Variants in SPATA4 observed in about 807,000 individuals in gnomAD.
SPATA4 encodes spermatogenesis associated 4.
In SPATA4, 35 loss-of-function variants were observed where a neutral mutation model predicts 31.8. That is an observed-to-expected ratio of 1.10 (90% CI 0.84 to 1.46). The LOEUF is 1.46. SPATA4 is among the 40% of genes most tolerant of loss of function. SPATA4 has a pLI of 0.00. For missense variants in SPATA4, 394 were observed against 363.1 expected (o/e 1.09, Z -0.69); for synonymous variants, 126 against 132.4 (o/e 0.95, Z 0.33).
chr4:176,191,625 A>G (rs1377549418), intron 4 of SPATA4, among the ~76,000 whole-genome samples: 1 of 152,214 alleles, frequency 6.6e-6, no homozygotes, highest in Non-Finnish European at 1.5e-5. Context: ...TCACAGCAAA[A>G]TTTTAATGTT....
Position 176,188,160 on chromosome 4 carries a change from T to C in SPATA4, c.764A>G (p.Tyr255Cys). 1 of 1,613,778 alleles carries C rather than the reference T, an allele frequency of 6.2e-7. No homozygotes were observed. Among genetic ancestry groups the C allele is most frequent in the Non-Finnish European group, 8.5e-7 (1 of 1,179,894 alleles). Reference protein sequence around the residue: ...HLPAQASGRRYNLKVKRGRVV... With the variant: ...HLPAQASGRRCNLKVKRGRVV... ...TCTTCCTCTTTTAACTTTTAAATTA[T>C]ATCTGCGCCCAGAGGCTTGGGCAGG... The change falls in exon 5 of 6, where the codon TAT becomes TGT. Residue 255 changes from tyrosine (Y) to cysteine (C), a missense_variant. By Grantham distance (194) the Tyr-to-Cys change is radical. Coordinates refer to ENST00000280191, the MANE Select transcript of SPATA4 (RefSeq NM_144644.4).
Position 176,195,505 on chromosome 4 carries a change from T to C in SPATA4, c.58A>G (p.Lys20Glu). The C allele has an allele frequency of 1.2e-6, 2 of 1,614,262 alleles. No homozygotes were observed. The highest frequency in any genetic ancestry group is 1.6e-4 in the Middle Eastern group (1 of 6,062). The change falls in exon 1 of 6, where the codon AAG becomes GAG. Residue 20 changes from lysine (K) to glutamate (E), a missense_variant. Physicochemically the swap from Lys to Glu is moderately conservative, Grantham distance 56. Coordinates refer to ENST00000280191, the MANE Select transcript of SPATA4 (RefSeq NM_144644.4). The part of the protein sequence containing the change: ...YLTQTAAALD[K>E]SPSLSPQLAA... Reference sequence around the variant, plus strand: ...AGCTGTGGCGAAAGTGACGGTGACTTGTCTAGGGCTGCCGCAGTCTGTGTC... The same window carrying C: ...AGCTGTGGCGAAAGTGACGGTGACTCGTCTAGGGCTGCCGCAGTCTGTGTC...
intron 5 of SPATA4, among the ~76,000 whole-genome samples, chr4:176,186,579 C>T (rs1294906204): frequency 6.6e-6 from 1 of 152,132 alleles, no homozygotes; most frequent in Non-Finnish European, 1.5e-5. Context: ...TATCCACTTC[C>T]GTTGGATTCT....
Position 176,188,245 on chromosome 4 carries a change from A to G in SPATA4, c.689-10T>C, listed in dbSNP as rs367785209. ...TTCACATCAAACCATTCTATAAAATATGAACACAAAAGTTATTTCTTAAAA... is the reference window on the plus strand; with the variant it reads ...TTCACATCAAACCATTCTATAAAATGTGAACACAAAAGTTATTTCTTAAAA... On this transcript the variant is annotated splice_polypyrimidine_tract_variant and intron_variant, in intron 4 of 5. Transcript: ENST00000280191. 1.1e-5 allele frequency: 17 copies of G among 1,552,792 alleles called. No homozygotes were observed. The highest frequency in any genetic ancestry group is 1.3e-5 in the Non-Finnish European group (15 of 1,141,918).
intron 1 of SPATA4, chr4:176,194,471 G>A (rs1208411989): frequency 1.3e-5 from 2 of 152,154 alleles, no homozygotes; most frequent in African/African-American, 2.4e-5. Context: ...AGAGGGTTCT[G>A]TAGTATCCAC....
In SPATA4 at chr4:176,195,486, G is replaced by A. The variant is rs1280671291; in HGVS notation, c.77C>T (p.Pro26Leu). ...CCCTCGGATGGGAGCTGCTAGCTGTGGCGAAAGTGACGGTGACTTGTCTAG... is the reference window on the plus strand; with the variant it reads ...CCCTCGGATGGGAGCTGCTAGCTGTAGCGAAAGTGACGGTGACTTGTCTAG... ...AALDKSPSLS[P>L]QLAAPIRGRP... Residue 26 changes from proline to leucine, a missense_variant, in exon 1 of 6, where the codon CCA (proline) becomes CTA (leucine). By Grantham distance (98) the Pro-to-Leu change is moderately conservative. Coordinates refer to ENST00000280191, the MANE Select transcript of SPATA4 (RefSeq NM_144644.4). The A allele has an allele frequency of 1.2e-6, 2 of 1,614,270 alleles. No homozygotes were observed. The highest frequency in any genetic ancestry group is 1.7e-5 in the Admixed American group (1 of 60,034).
chr4:176,192,659 A>G lies in SPATA4; in HGVS notation c.656T>C (p.Leu219Ser), dbSNP rs1384725668. 3 of 1,614,080 alleles carry G rather than the reference A, an allele frequency of 1.9e-6. No individual in the cohort carries two copies. Among genetic ancestry groups the G allele is most frequent in the Non-Finnish European group, 2.5e-6 (3 of 1,179,984 alleles). The change falls in exon 4 of 6, where the codon TTG becomes TCG. Residue 219 changes from leucine (L) to serine (S), a missense_variant. By Grantham distance (145) the Leu-to-Ser change is moderately radical. Coordinates refer to ENST00000280191, the MANE Select transcript of SPATA4 (RefSeq NM_144644.4). ...CAATTTTCTGCCTAATTTTCTTTGCAACATATGTAAAAGGATGAGGAACTC... is the reference window on the plus strand; with the variant it reads ...CAATTTTCTGCCTAATTTTCTTTGCGACATATGTAAAAGGATGAGGAACTC... ...KAEFLILLHM[L>S]QRKLGRKLNP... is the part of the protein sequence containing the mutation.
At chr4:176,189,643 G>A (rs1366722634) in intron 4 of SPATA4, among the ~76,000 whole-genome samples, 1 of 152,146 alleles carries the variant, frequency 6.6e-6, no homozygotes, top group East Asian at 1.9e-4. Flanking sequence ...ATGCTGAAGT[G>A]ACACACATGT....
At chr4:176,194,612 C>T (rs1352081931) in intron 1 of SPATA4, 1 of 151,948 alleles carries the variant, frequency 6.6e-6, no homozygotes. Flanking sequence ...CAAATATTAG[C>T]TGCCAGTTAC....
chr4:176,189,650 A>T (rs1752497912), intron 4 of SPATA4, among the ~76,000 whole-genome samples: 1 of 152,250 alleles, frequency 6.6e-6, no homozygotes, highest in South Asian at 2.1e-4. Context: ...AGTGACACAC[A>T]TGTAGACAAA....
intron 4 of SPATA4, among the ~76,000 whole-genome samples, chr4:176,190,829 A>T (rs1271910628): frequency 2.0e-5 from 3 of 152,162 alleles, no homozygotes. Context: ...GTGTGATTAG[A>T]TCAGGTCTGC....
At chr4:176,186,351 TAAACAC>T (rs1221783008) in intron 5 of SPATA4, among the ~76,000 whole-genome samples, 1 of 152,168 alleles carries the variant, frequency 6.6e-6, no homozygotes, top group Admixed American at 6.5e-5. Flanking sequence ...GCAAGCAAGT[TAAACAC>T]AAAAACAAAA....
intron 5 of SPATA4, 32 bp downstream of exon 5, chr4:176,188,087 T>C (rs983463109): frequency 6.7e-7 from 1 of 1,487,172 alleles, no homozygotes; most frequent in African/African-American, 1.4e-5. Context: ...CAAAAAAAAA[T>C]CAATTTTAAG....
At chr4:176,189,443 A>C (rs1306309830) in intron 4 of SPATA4, among the ~76,000 whole-genome samples, 1 of 148,960 alleles carries the variant, frequency 6.7e-6, no homozygotes, top group Non-Finnish European at 1.5e-5. Flanking sequence ...AGATGAAAAG[A>C]AGAAACAGAA....
At chr4:176,188,044 C>T (rs1446690843) in intron 5 of SPATA4, 75 bp downstream of exon 5, 8 of 1,055,168 alleles carry the variant, frequency 7.6e-6, no homozygotes, top group Admixed American at 3.5e-5. Flanking sequence ...ACTATTTAAC[C>T]GTTTTTTAAA....
At position 176,195,511 on chromosome 4, in the gene SPATA4, G is replaced by A; in HGVS notation, c.52C>T (p.Leu18=). 1 of 1,614,254 alleles carries A rather than the reference G, an allele frequency of 6.2e-7. No individual in the cohort carries two copies. The highest frequency in any genetic ancestry group is 8.5e-7 in the Non-Finnish European group (1 of 1,180,050). ...GGCGAAAGTGACGGTGACTTGTCTA[G>A]GGCTGCCGCAGTCTGTGTCAAATAC... is the stretch of plus-strand genomic sequence containing the variant. The part of the protein sequence containing the change: ...KGYLTQTAAA[L]DKSPSLSPQL... Residue 18 remains leucine (L), a synonymous_variant, in exon 1 of 6, where the codon CTA becomes TTA. Coordinates refer to ENST00000280191, the MANE Select transcript of SPATA4 (RefSeq NM_144644.4).
rs753296995 is a variant in SPATA4, at chr4:176,184,809, G to A, written c.889C>T (p.Pro297Ser). 1 of 1,598,408 alleles carries A rather than the reference G, an allele frequency of 6.3e-7. No individual in the cohort carries two copies. The highest frequency in any genetic ancestry group is 8.5e-7 in the Non-Finnish European group (1 of 1,172,722). ...GGTTTCTTGTCCATGTTTCTGATAG[G>A]TTTCATAGCAGAGTAATAAGAATGT... ...GQHSYYSAMK[P>S]IRNMDKKP Residue 297 changes from proline to serine, a missense_variant, in exon 6 of 6, where the codon CCT (proline) becomes TCT (serine). Pro to Ser is a moderately conservative substitution (Grantham distance 74). Coordinates refer to ENST00000280191, the MANE Select transcript of SPATA4 (RefSeq NM_144644.4).
chr4:176,185,205 G>A lies in SPATA4; in HGVS notation c.806-313C>T, dbSNP rs1579293325. Among the ~76,000 whole-genome samples, 4 of 152,252 alleles carry A rather than the reference G, an allele frequency of 2.6e-5. No individual in the cohort carries two copies. The South Asian group carries it at 8.3e-4, about 32-fold the overall frequency. On this transcript the variant is annotated intron_variant, in intron 5 of 5. Transcript: ENST00000280191. ...GCTTCAGAAAGCAGCTGAGGCAACA[G>A]TAGCACAATTTTATACTTAGATTTG... is the stretch of plus-strand genomic sequence containing the variant.
At chr4:176,192,314 T>A (rs1304013751) in intron 4 of SPATA4, among the ~76,000 whole-genome samples, 1 of 152,224 alleles carries the variant, frequency 6.6e-6, no homozygotes, top group African/African-American at 2.4e-5. Context: ...CCTGCTTAAC[T>A]CTTAAACTCC....
Sources: allele counts gnomAD v4.1 joint callset (sites outside exome capture counted in the v4.1 genomes callset), GRCh38; gene constraint gnomAD v4.1.1; transcripts MANE v1.5; gene names NCBI Gene and HGNC (gene_info 2026-07-23, HGNC 2026-07-21).